Variants in PGR observed in about 807,000 individuals in gnomAD.
PGR encodes progesterone receptor.
In PGR, 25 loss-of-function variants were observed where a neutral mutation model predicts 76.1. That is an observed-to-expected ratio of 0.33 (90% confidence interval 0.24 to 0.46). PGR has a LOEUF of 0.46. Ranked by LOEUF, PGR falls within the 20% of genes least tolerant of loss-of-function variation. PGR has a pLI of 1.00. For synonymous variants in PGR, 579 were observed against 535.0 expected (o/e 1.08, Z -1.14); for missense variants, 1,172 against 1,225.3 (o/e 0.96, Z 0.65).
chr11:101,037,144 T>A lies in PGR; in HGVS notation c.*1972A>T. Reference sequence around the variant, plus strand: ...GAAAATATATTGAAAGCCTTTTCAATAAGATTTAATGCAAATGAATTACTG... The same window carrying A: ...GAAAATATATTGAAAGCCTTTTCAAAAAGATTTAATGCAAATGAATTACTG... On this transcript the variant is annotated 3_prime_UTR_variant, in exon 8 of 8. Transcript: ENST00000325455. The A allele has an allele frequency of 4.9e-6, 1 of 203,218 alleles. No homozygotes were observed. The highest frequency in any genetic ancestry group is 1.0e-5 in the Non-Finnish European group (1 of 98,914). 12.6% of individuals were successfully genotyped at this position (203,218 alleles called of 1,614,324 possible).
At position 101,031,590 on chromosome 11, in the gene PGR, CT is replaced by C. The variant is rs760929776; in HGVS notation, c.*7525del. 0.074 allele frequency: 13,318 copies of C among 179,878 alleles called. 2 individuals are homozygous for C. Among genetic ancestry groups the C allele is most frequent in the East Asian group, 0.17 (1,956 of 11,258 alleles). 11.1% of individuals were successfully genotyped at this position (179,878 alleles called of 1,614,324 possible). A position where few individuals can be genotyped will look rare whatever the true frequency, so the allele number is the denominator to read the frequency against. ...TCACAATGTTCTACTGAGAATTTAG[CT>C]TTTTTTTTTTTTTTGGAGTGGGTAT... is the stretch of plus-strand genomic sequence containing the variant. On this transcript the variant is annotated 3_prime_UTR_variant, in exon 8 of 8. Coordinates refer to ENST00000325455, the MANE Select transcript of PGR (RefSeq NM_000926.4).
chr11:101,092,408 A>G (rs184939450), intron 2 of PGR, among the ~76,000 whole-genome samples: 125 of 152,324 alleles, frequency 8.2e-4, no homozygotes, highest in African/African-American at 2.8e-3. Context: ...AAGAGCATGT[A>G]AAAAAGATCA....
chr11:101,093,494 CT>C (rs1861741347), intron 2 of PGR, among the ~76,000 whole-genome samples: 1 of 152,120 alleles, frequency 6.6e-6, no homozygotes, highest in Non-Finnish European at 1.5e-5. Flanking sequence ...GAGTTTCGCT[CT>C]TGTTGCCCAG....
At chr11:101,072,197 T>C (rs1860961505) in intron 3 of PGR, among the ~76,000 whole-genome samples, 1 of 152,174 alleles carries the variant, frequency 6.6e-6, no homozygotes, top group Admixed American at 6.5e-5. Context: ...AAAAGAATTT[T>C]CAACCCAGAA....
chr11:101,053,126 C>T (rs1860157073), intron 4 of PGR, among the ~76,000 whole-genome samples: 1 of 152,168 alleles, frequency 6.6e-6, no homozygotes, highest in Non-Finnish European at 1.5e-5. Flanking sequence ...ACATCAACCA[C>T]TTTCTATAAA....
At chr11:101,125,096 C>A (rs968113587) in intron 2 of PGR, among the ~76,000 whole-genome samples, 3 of 151,984 alleles carry the variant, frequency 2.0e-5, no homozygotes, top group Admixed American at 6.6e-5. Flanking sequence ...TAGGTGTGAT[C>A]TCAGCACTCC....
chr11:101,054,872 G>T (rs1263799728), intron 4 of PGR, among the ~76,000 whole-genome samples: 1 of 152,034 alleles, frequency 6.6e-6, no homozygotes, highest in Non-Finnish European at 1.5e-5. Context: ...TTGCTCATTG[G>T]AGTAATACTA....
chr11:101,127,185 A>C (rs1161708771), intron 1 of PGR: 1 of 333,044 alleles, frequency 3.0e-6, no homozygotes, highest in Non-Finnish European at 5.4e-6. Flanking sequence ...AAACAAAAAA[A>C]CAGCTTTCAG....
intron 2 of PGR, among the ~76,000 whole-genome samples, chr11:101,125,698 T>G (rs1425249506): frequency 6.6e-6 from 1 of 152,180 alleles, no homozygotes; most frequent in African/African-American, 2.4e-5. Context: ...AAAGTACTAT[T>G]AGAACAAAGC....
chr11:101,044,700 CTTTTTTT>C (rs34361620), intron 6 of PGR, among the ~76,000 whole-genome samples: 5 of 75,894 alleles, frequency 6.6e-5, no homozygotes, highest in South Asian at 6.5e-4. Context: ...GGCCTAATTG[CTTTTTTT>C]TTTTTTTTTT....
At position 101,030,367 on chromosome 11, in the gene PGR, T is replaced by C. The variant is rs1859311348; in HGVS notation, c.*8749A>G. ...TAAAACATTACATAGAAAATAAGTA[T>C]GTGATGATATCGTTAAAATACATGA... On this transcript the variant is annotated 3_prime_UTR_variant, in exon 8 of 8. Transcript: ENST00000325455. 4.4e-6 allele frequency: 1 copy of C among 227,628 alleles called. No homozygotes were observed. Among genetic ancestry groups the C allele is most frequent in the Admixed American group, 5.7e-5 (1 of 17,600 alleles). The allele number at this position is 227,628 out of a possible 1,614,324, so 14.1% of individuals were successfully genotyped here.
At chr11:101,076,053 G>T (rs1292600350) in intron 3 of PGR, among the ~76,000 whole-genome samples, 1 of 152,172 alleles carries the variant, frequency 6.6e-6, no homozygotes, top group Non-Finnish European at 1.5e-5. Context: ...CAATAGTAAA[G>T]ATTTGGAGCC....
intron 4 of PGR, among the ~76,000 whole-genome samples, chr11:101,059,842 CAAAAA>C (rs781123527): frequency 1.6e-5 from 1 of 62,808 alleles, no homozygotes; most frequent in Non-Finnish European, 3.2e-5. Context: ...GACCCTCTCT[CAAAAA>C]AAAAAAAAAA....
chr11:101,063,461 G>A (rs1860588151), intron 3 of PGR: 1 of 152,188 alleles, frequency 6.6e-6, no homozygotes, highest in African/African-American at 2.4e-5. Flanking sequence ...GATATGTTAG[G>A]GGAAAAAGAT....
At chr11:101,092,416 T>C (rs1427949996) in intron 2 of PGR, among the ~76,000 whole-genome samples, 1 of 152,214 alleles carries the variant, frequency 6.6e-6, no homozygotes, top group African/African-American at 2.4e-5. Context: ...GTAAAAAAGA[T>C]CACTTATTGT....
chr11:101,118,428 TAAATAAATCACTTG>T (rs938744855), intron 2 of PGR, among the ~76,000 whole-genome samples: 2 of 152,228 alleles, frequency 1.3e-5, no homozygotes, highest in African/African-American at 4.8e-5. Context: ...TTCTATCTCA[TAAATAAATCACTTG>T]GTTATAGAAG....
chr11:101,106,875 C>T (rs368932449), intron 2 of PGR, among the ~76,000 whole-genome samples: 242 of 152,300 alleles, frequency 1.6e-3, no homozygotes, highest in African/African-American at 5.6e-3. Flanking sequence ...CCATGGAATA[C>T]TATGCAGCCA....
At chr11:101,120,777 CA>C (rs1187789566) in intron 2 of PGR, among the ~76,000 whole-genome samples, 1 of 152,128 alleles carries the variant, frequency 6.6e-6, no homozygotes. Flanking sequence ...TTATTGATAA[CA>C]TTTTCATTTT....
At chr11:101,105,646 T>A (rs1591419332) in intron 2 of PGR, among the ~76,000 whole-genome samples, 1 of 152,040 alleles carries the variant, frequency 6.6e-6, no homozygotes, top group African/African-American at 2.4e-5. Context: ...AAAATGGCCA[T>A]ACTGCCCAAA....
Sources: gnomAD v4.1 joint callset for allele counts (sites outside exome capture counted in the v4.1 genomes callset) on GRCh38, gnomAD v4.1.1 for gene constraint, MANE v1.5 for transcripts, NCBI Gene and HGNC (gene_info 2026-07-23, HGNC 2026-07-21) for gene names.